MAPKAP1: variants seen among roughly 807,000 people sequenced by gnomAD.
The protein encoded by MAPKAP1 is target of rapamycin complex 2 subunit MAPKAP1.
A neutral mutation model predicts 65.7 loss-of-function variants in MAPKAP1; 20 were observed. The ratio of observed to expected loss-of-function variants is 0.30; its 90% CI spans 0.21 to 0.44. The LOEUF (loss-of-function observed/expected upper bound fraction) is 0.44. Ranked by LOEUF, MAPKAP1 falls within the 20% of genes least tolerant of loss-of-function variation. The probability of loss-of-function intolerance (pLI) is 1.00; values close to 1 mark genes in which losing one functional copy is unlikely to be tolerated. For missense variants in MAPKAP1, 423 were observed against 648.0 expected, an observed-to-expected ratio of 0.65 and a Z score of 3.77; for synonymous variants, 222 against 244.3, an observed-to-expected ratio of 0.91 and a Z score of 0.85.
rs147638586 is a variant in MAPKAP1 at position 125,686,689 on chromosome 9, T to C, written c.-69-14046A>G. ...GACCTCTACCACACCTGTGCCATAA[T>C]TCAAACTCAGAGGTACGAGGAATCT... On this transcript the variant is annotated intron_variant, in intron 1 of 11. Transcript: ENST00000265960. 4.4e-3 allele frequency among the ~76,000 whole-genome samples: 674 copies of C among 152,354 alleles called. 4 individuals carry two copies. The highest frequency in any genetic ancestry group is 9.0e-3 in the African/African-American group (373 of 41,564).
intron 8 of MAPKAP1, among the ~76,000 whole-genome samples, chr9:125,501,518 A>C (rs1828981645): frequency 6.6e-6 from 1 of 152,194 alleles, no homozygotes; most frequent in African/African-American, 2.4e-5. Flanking sequence ...AGATTATGAT[A>C]GCCTCTTAAA....
At chr9:125,459,925 A>G (rs1237455848) in intron 10 of MAPKAP1, among the ~76,000 whole-genome samples, 1 of 151,772 alleles carries the variant, frequency 6.6e-6, no homozygotes, top group East Asian at 1.9e-4. Flanking sequence ...TAATGAAACT[A>G]TGGCTTACTT....
rs1401433704 is a variant in MAPKAP1, at chr9:125,595,907, C to T, written c.499-10180G>A. 1.4e-5 allele frequency: 17 copies of T among 1,253,204 alleles called. No individual in the cohort carries two copies. The highest frequency in any genetic ancestry group is 1.8e-5 in the Non-Finnish European group (16 of 866,228). The allele number at this position is 1,253,204 out of a possible 1,614,324, so 77.6% of individuals were successfully genotyped here. ...GAATGCAAGGCCACACAAGGTGGATCGGAGTTGTGGAACCAAAGAGAGCTG... is the reference window on the plus strand; with the variant it reads ...GAATGCAAGGCCACACAAGGTGGATTGGAGTTGTGGAACCAAAGAGAGCTG... On this transcript the variant is annotated intron_variant, in intron 4 of 11. Coordinates refer to ENST00000265960, the MANE Select transcript of MAPKAP1 (RefSeq NM_001006617.3). This position sits in a 1 kb window ranked among gnomAD's most constrained non-coding sequence, Gnocchi z 4.0.
rs578085839 is a variant in MAPKAP1 at position 125,560,991 on chromosome 9, G to A, written c.672-1182C>T. Among the ~76,000 whole-genome samples, 5 of 152,274 alleles carry A rather than the reference G, an allele frequency of 3.3e-5. No homozygotes were observed. The South Asian group carries it at 8.3e-4, about 25-fold the overall frequency. On this transcript the variant is annotated intron_variant, in intron 5 of 11. Transcript: ENST00000265960. ...CAATTGCTCCAAACCGCAAACCTGCGAGCTTCAGAATTATGCTAGCTTCAG... is the reference window on the plus strand; with the variant it reads ...CAATTGCTCCAAACCGCAAACCTGCAAGCTTCAGAATTATGCTAGCTTCAG...
At chr9:125,540,722 G>C (rs1415189210) in intron 7 of MAPKAP1, among the ~76,000 whole-genome samples, 2 of 152,198 alleles carry the variant, frequency 1.3e-5, no homozygotes, top group East Asian at 3.9e-4. Context: ...CTCTAACCTG[G>C]CATCTCTTTC....
Position 125,693,830 on chromosome 9 carries a change from CATATAT to C in MAPKAP1, c.-70+13135_-70+13140del, listed in dbSNP as rs1216463261. Reference sequence around the variant, plus strand: ...ATACACACACATATACACACACACACATATATATACACACATACACACACACACACA... The same window carrying C: ...ATACACACACATATACACACACACACATACACACATACACACACACACACA... On this transcript the variant is annotated intron_variant, in intron 1 of 11. Coordinates refer to ENST00000265960, the MANE Select transcript of MAPKAP1 (RefSeq NM_001006617.3). Among the ~76,000 whole-genome samples the C allele has an allele frequency of 5.6e-3, 565 of 100,404 alleles. 5 individuals carry two copies. The highest frequency in any genetic ancestry group is 0.012 in the South Asian group (40 of 3,386). The allele number at this position is 100,404 out of a possible 152,430, so 65.9% of individuals were successfully genotyped here.
intron 7 of MAPKAP1, among the ~76,000 whole-genome samples, chr9:125,539,429 C>T (rs1356263083): frequency 1.3e-5 from 2 of 152,200 alleles, no homozygotes; most frequent in Non-Finnish European, 2.9e-5. Flanking sequence ...CTTTGATGCT[C>T]TCTCTTCTGT....
chr9:125,479,634 G>C (rs999802420), intron 9 of MAPKAP1, among the ~76,000 whole-genome samples: 4 of 151,782 alleles, frequency 2.6e-5, no homozygotes, highest in Non-Finnish European at 5.9e-5. Flanking sequence ...GGTCTTGCAG[G>C]TCAAAATTTG....
chr9:125,479,145 G>A (rs1446637635), intron 9 of MAPKAP1, among the ~76,000 whole-genome samples: 3 of 152,216 alleles, frequency 2.0e-5, no homozygotes, highest in Non-Finnish European at 2.9e-5. Flanking sequence ...CGCATGCAAA[G>A]AGAACAATTA....
intron 7 of MAPKAP1, among the ~76,000 whole-genome samples, chr9:125,527,721 C>A (rs1355881147): frequency 6.6e-6 from 1 of 152,158 alleles, no homozygotes; most frequent in Non-Finnish European, 1.5e-5. Context: ...TCCTGCTGGG[C>A]ACCCTTACGT....
intron 10 of MAPKAP1, among the ~76,000 whole-genome samples, chr9:125,460,679 A>G (rs1343744311): frequency 2.6e-5 from 4 of 152,180 alleles, no homozygotes. Context: ...AACTACAGAG[A>G]CAAGCACATT....
intron 5 of MAPKAP1, among the ~76,000 whole-genome samples, chr9:125,573,181 T>A (rs944340132): frequency 6.6e-6 from 1 of 150,672 alleles, no homozygotes; most frequent in Non-Finnish European, 1.5e-5. Context: ...GGCTGAAACC[T>A]ACCAGGCTGC....
chr9:125,695,798 G>A (rs1301233112), intron 1 of MAPKAP1, among the ~76,000 whole-genome samples: 1 of 150,844 alleles, frequency 6.6e-6, no homozygotes, highest in Non-Finnish European at 1.5e-5. Context: ...GCGCAATCTT[G>A]GCTCACTGCA....
At chr9:125,640,141 T>C (rs1833536004) in intron 4 of MAPKAP1, among the ~76,000 whole-genome samples, 1 of 152,120 alleles carries the variant, frequency 6.6e-6, no homozygotes, top group Non-Finnish European at 1.5e-5. Flanking sequence ...TCTCGCTCTG[T>C]CACCCAGGCT....
intron 9 of MAPKAP1, among the ~76,000 whole-genome samples, chr9:125,472,939 C>T (rs892873713): frequency 2.0e-5 from 3 of 152,200 alleles, no homozygotes; most frequent in South Asian, 2.1e-4. Flanking sequence ...AAAGCTGACA[C>T]TTTTTGATTT....
intron 6 of MAPKAP1, among the ~76,000 whole-genome samples, chr9:125,556,833 A>G (rs940066761): frequency 7.9e-5 from 12 of 152,258 alleles, no homozygotes; most frequent in Non-Finnish European, 2.9e-5. Context: ...AAAGGCGAGT[A>G]AGAGGTTGCT....
chr9:125,459,821 G>A (rs1853399665), intron 10 of MAPKAP1, among the ~76,000 whole-genome samples: 1 of 151,650 alleles, frequency 6.6e-6, no homozygotes, highest in Non-Finnish European at 1.5e-5. Context: ...GAGGGAGAGG[G>A]AGACCGTGGA....
At chr9:125,576,599 A>G (rs62570218) in intron 5 of MAPKAP1, among the ~76,000 whole-genome samples, 13 of 152,090 alleles carry the variant, frequency 8.5e-5, no homozygotes, top group Admixed American at 1.3e-4. Context: ...CTGCCATCTC[A>G]GCTCACTGCA....
At position 125,693,686 on chromosome 9, in the gene MAPKAP1, C is replaced by T. The variant is rs1264518428; in HGVS notation, c.-70+13285G>A. ...ACACACATATACACGTATATATACA[C>T]GTATATATACACGTATATATACACA... On this transcript the variant is annotated intron_variant, in intron 1 of 11. Transcript: ENST00000265960. Among the ~76,000 whole-genome samples, 4 of 128,914 alleles carry T rather than the reference C, an allele frequency of 3.1e-5. 1 individual carries two copies. The highest frequency in any genetic ancestry group is 5.0e-5 in the Non-Finnish European group (3 of 60,516). The allele number at this position is 128,914 out of a possible 152,430, so 84.6% of individuals were successfully genotyped here.
Sources: gnomAD v4.1 joint callset for allele counts (sites outside exome capture counted in the v4.1 genomes callset) on GRCh38, gnomAD v4.1.1 for gene constraint, Gnocchi (gnomAD v3.1) non-coding constraint, MANE v1.5 for transcripts, NCBI Gene and HGNC (gene_info 2026-07-23, HGNC 2026-07-21) for gene names.